Variants in NUP210L observed in about 807,000 individuals in gnomAD.
NUP210L encodes nucleoporin 210 like.
Under a neutral mutation model 208.5 loss-of-function variants are expected in NUP210L, and 74 were observed. That is an observed-to-expected ratio of 0.35 (90% CI 0.29 to 0.43). NUP210L has a LOEUF of 0.43. Ranked by LOEUF, NUP210L falls within the 20% of genes least tolerant of loss-of-function variation. The probability of loss-of-function intolerance (pLI) is 1.00; values close to 1 mark genes in which losing one functional copy is unlikely to be tolerated. For missense variants in NUP210L, 1,843 were observed against 2,289.4 expected (o/e 0.81, Z 3.98); for synonymous variants, 780 against 816.9 (o/e 0.95, Z 0.77).
intron 25 of NUP210L, among the ~76,000 whole-genome samples, chr1:154,050,020 G>A (rs901349552): frequency 6.6e-6 from 1 of 152,000 alleles, no homozygotes; most frequent in African/African-American, 2.4e-5. Flanking sequence ...TTATATGGAC[G>A]ATATACTTTG....
intron 12 of NUP210L, among the ~76,000 whole-genome samples, chr1:154,109,719 C>T (rs955828328): frequency 2.6e-5 from 4 of 151,254 alleles, no homozygotes; most frequent in Non-Finnish European, 4.4e-5. Context: ...CTACAGTGTA[C>T]TAAAACTAGA....
intron 33 of NUP210L, among the ~76,000 whole-genome samples, chr1:154,016,078 G>A (rs1376745903): frequency 1.3e-5 from 2 of 151,636 alleles, no homozygotes; most frequent in Non-Finnish European, 2.9e-5. Flanking sequence ...AACATAGCGA[G>A]ACCCTGTGTC....
At chr1:154,022,810 T>C (rs1651643081) in intron 31 of NUP210L, among the ~76,000 whole-genome samples, 1 of 151,568 alleles carries the variant, frequency 6.6e-6, no homozygotes, top group Non-Finnish European at 1.5e-5. Flanking sequence ...CCCTAGTAGC[T>C]GGGACTACAG....
At chr1:154,112,225 C>T (rs1657078109) in intron 12 of NUP210L, among the ~76,000 whole-genome samples, 2 of 152,114 alleles carry the variant, frequency 1.3e-5, no homozygotes, top group African/African-American at 4.8e-5. Context: ...CTGCACCTGG[C>T]CTCAACAACA....
intron 30 of NUP210L, among the ~76,000 whole-genome samples, chr1:154,023,991 A>G (rs1329944084): frequency 6.6e-6 from 1 of 151,388 alleles, no homozygotes; most frequent in African/African-American, 2.4e-5. Flanking sequence ...GGGTTTCACC[A>G]TCTTGGCCAG....
intron 2 of NUP210L, among the ~76,000 whole-genome samples, chr1:154,147,644 G>A (rs1659185045): frequency 6.6e-6 from 1 of 151,342 alleles, no homozygotes; most frequent in South Asian, 2.1e-4. Context: ...AGTGCCCTTG[G>A]CCCAACACTG....
chr1:154,056,016 G>A (rs957982018), intron 23 of NUP210L, among the ~76,000 whole-genome samples: 1 of 152,082 alleles, frequency 6.6e-6, no homozygotes, highest in Admixed American at 6.6e-5. Context: ...CCAAGATCGC[G>A]CCATTGCACT....
chr1:154,077,961 G>A (rs1389914002), intron 16 of NUP210L, among the ~76,000 whole-genome samples: 2 of 151,892 alleles, frequency 1.3e-5, no homozygotes, highest in Non-Finnish European at 2.9e-5. Context: ...CTCTAACCTG[G>A]GCAACAGAGT....
intron 10 of NUP210L, among the ~76,000 whole-genome samples, chr1:154,120,659 T>C (rs1400835035): frequency 2.0e-5 from 3 of 149,034 alleles, no homozygotes; most frequent in African/African-American, 7.4e-5. Context: ...AAATGCATTA[T>C]CCAAGGTGGC....
At chr1:154,104,091 G>A (rs2148069365) in exon 13 of NUP210L, 1 of 1,614,072 alleles carries the variant, frequency 6.2e-7, no homozygotes, top group South Asian at 1.1e-5. Context: ...TGAATGCCAT[G>A]GCTTCTTTGG....
intron 10 of NUP210L, among the ~76,000 whole-genome samples, chr1:154,123,790 A>T (rs890196019): frequency 8.6e-5 from 13 of 151,972 alleles, no homozygotes; most frequent in African/African-American, 3.1e-4. Flanking sequence ...AGGCAGGAGA[A>T]TCGCTTGAAC....
At chr1:154,053,053 T>G (rs746231642) in intron 25 of NUP210L, among the ~76,000 whole-genome samples, 1 of 152,242 alleles carries the variant, frequency 6.6e-6, no homozygotes. Flanking sequence ...TGGAAACTAT[T>G]AATGGCTCTT....
intron 12 of NUP210L, among the ~76,000 whole-genome samples, chr1:154,114,173 T>C (rs887429139): frequency 2.0e-5 from 3 of 150,746 alleles, no homozygotes; most frequent in Non-Finnish European, 4.4e-5. Context: ...CCAGGCGTAG[T>C]GGTACACGTC....
intron 23 of NUP210L, 26 bp downstream of exon 23, chr1:154,056,789 A>C (rs1653891488): frequency 6.5e-7 from 1 of 1,544,548 alleles, no homozygotes; most frequent in African/African-American, 1.4e-5. Context: ...AAAAAGTACA[A>C]ATTTTGGATG....
In NUP210L at chr1:154,058,701, T is replaced by C; in HGVS notation, c.2851-8A>G. ...AGGATGTAATGGAACTAACTGGAAG[T>C]AAGAAGATGGTAGCTGGATAAAGAA... On this transcript the variant is annotated splice_region_variant and splice_polypyrimidine_tract_variant and intron_variant, in intron 20 of 39. Coordinates refer to ENST00000368559, the Ensembl canonical transcript of NUP210L. 6.2e-7 allele frequency: 1 copy of C among 1,612,296 alleles called. No individual in the cohort carries two copies. Among genetic ancestry groups the C allele is most frequent in the Non-Finnish European group, 8.5e-7 (1 of 1,179,158 alleles).
chr1:154,001,019 G>C, exon 37 of NUP210L: 1 of 1,614,186 alleles, frequency 6.2e-7, no homozygotes, highest in Non-Finnish European at 8.5e-7. Flanking sequence ...GGGGAGAGTG[G>C]CTATGGCCAG....
intron 7 of NUP210L, among the ~76,000 whole-genome samples, chr1:154,131,954 C>A (rs1171914564): frequency 6.6e-6 from 1 of 152,036 alleles, no homozygotes; most frequent in Non-Finnish European, 1.5e-5. Context: ...GGATTACAGG[C>A]GTGCATCACC....
At chr1:154,006,869 TACAC>T (rs1331505704) in intron 35 of NUP210L, among the ~76,000 whole-genome samples, 7 of 138,708 alleles carry the variant, frequency 5.0e-5, no homozygotes, top group South Asian at 2.2e-4. Flanking sequence ...TACATATACA[TACAC>T]ACACATACAT....
In NUP210L at chr1:154,012,252, T is replaced by C. The variant is rs200102167; in HGVS notation, c.4772A>G (p.Asn1591Ser). The C allele has an allele frequency of 2.7e-5, 43 of 1,613,648 alleles. No individual in the cohort carries two copies. The African/African-American group carries it at 4.5e-4, about 17-fold the overall frequency. ...ATGAAGAGATTCCTGACCTTTAAGA[T>C]TGACACCATTTCTGCCAGTGGTGAT... The change falls in exon 34 of 40, where the codon AAT (asparagine) becomes AGT (serine). Residue 1591 changes from asparagine to serine, a missense_variant. Asn to Ser is a conservative substitution (Grantham distance 46). Coordinates refer to ENST00000368559, the Ensembl canonical transcript of NUP210L.
Sources: allele counts gnomAD v4.1 joint callset (sites outside exome capture counted in the v4.1 genomes callset), GRCh38; gene constraint gnomAD v4.1.1; transcripts MANE v1.5; gene names NCBI Gene and HGNC (gene_info 2026-07-23, HGNC 2026-07-21).